The following IL31RA variants were observed in gnomAD, a reference collection of about 807,000 sequenced individuals.
IL31RA encodes interleukin-31 receptor subunit alpha.
IL31RA carries 66 observed loss-of-function variants against 83.7 expected under a neutral mutation model. The observed-to-expected ratio is 0.79, with a 90% CI of 0.65 to 0.97. The LOEUF is 0.97. Among genes scored for constraint, IL31RA ranks in the 50% least tolerant of loss-of-function variants. The pLI is 0.00. For synonymous variants in IL31RA, 325 were observed against 329.0 expected (o/e 0.99, Z 0.13); for missense variants, 798 against 919.4 (o/e 0.87, Z 1.71).
intron 4 of IL31RA, among the ~76,000 whole-genome samples, chr5:55,882,631 G>T (rs1341579480): frequency 6.6e-6 from 1 of 152,204 alleles, no homozygotes; most frequent in Non-Finnish European, 1.5e-5. Context: ...TGTTTGCAGT[G>T]TGCAAGGAAA....
intron 2 of IL31RA, among the ~76,000 whole-genome samples, chr5:55,867,817 T>A (rs1378664295): frequency 6.6e-6 from 1 of 152,120 alleles, no homozygotes; most frequent in Admixed American, 6.5e-5. Context: ...AAACCCCTGA[T>A]AAACCCGTCA....
chr5:55,914,338 A>G (rs924668404), intron 13 of IL31RA, among the ~76,000 whole-genome samples: 2 of 152,214 alleles, frequency 1.3e-5, no homozygotes, highest in African/African-American at 4.8e-5. Flanking sequence ...CTTAGCATGC[A>G]TCAGAATCAG....
intron 1 of IL31RA, among the ~76,000 whole-genome samples, chr5:55,856,955 T>C (rs540119552): frequency 6.6e-6 from 1 of 152,306 alleles, no homozygotes; most frequent in East Asian, 1.9e-4. Context: ...TCTTTGAGAT[T>C]ATACACAGGT....
Position 55,906,287 on chromosome 5 carries a change from A to G in IL31RA, c.1251A>G (p.Gln417=). 1 of 1,613,900 alleles carries G rather than the reference A, an allele frequency of 6.2e-7. No homozygotes were observed. Among genetic ancestry groups the G allele is most frequent in the African/African-American group, 1.3e-5 (1 of 75,042 alleles). ...VSQATNWTIQ[Q]DKLKPFWCYN... ...AGGCCACGAACTGGACGATCCAGCA[A>G]GGTAGCCAGGGCGGAACTCACAGGT... The change falls in exon 9 of 15, where the codon CAA becomes CAG. Residue 417 remains glutamine, a splice_region_variant and synonymous_variant. Transcript: ENST00000652347.
At chr5:55,884,979 A>G (rs927000921) in intron 5 of IL31RA, among the ~76,000 whole-genome samples, 1 of 152,242 alleles carries the variant, frequency 6.6e-6, no homozygotes, top group African/African-American at 2.4e-5. Context: ...CCCAGATTTG[A>G]TAACACTTCC....
intron 12 of IL31RA, among the ~76,000 whole-genome samples, chr5:55,911,095 A>G (rs1749476924): frequency 6.6e-6 from 1 of 152,164 alleles, no homozygotes; most frequent in Non-Finnish European, 1.5e-5. Context: ...GGACTGGGTA[A>G]TTTATAAAGA....
intron 8 of IL31RA, among the ~76,000 whole-genome samples, chr5:55,904,785 A>G (rs920868530): frequency 2.6e-5 from 4 of 151,326 alleles, no homozygotes; most frequent in African/African-American, 9.7e-5. Context: ...TCCCCACCCC[A>G]GATTCCTACA....
At chr5:55,840,326 G>A in the IL31RA span, among the ~76,000 whole-genome samples, 1 of 152,162 alleles carries the variant, frequency 6.6e-6, no homozygotes, top group African/African-American at 2.4e-5. Context: ...AGAACCTGTT[G>A]TTAAACATTT....
At chr5:55,879,583 C>T (rs1747077813) in intron 4 of IL31RA, among the ~76,000 whole-genome samples, 1 of 151,692 alleles carries the variant, frequency 6.6e-6, no homozygotes, top group African/African-American at 2.4e-5. Context: ...CAGGCACGCA[C>T]CACCATACCC....
intron 14 of IL31RA, among the ~76,000 whole-genome samples, chr5:55,916,283 G>C (rs62361955): frequency 0.035 from 5,335 of 152,148 alleles, 138 homozygotes; most frequent in Non-Finnish European, 0.049. Context: ...AGGAAGCTGA[G>C]GGGGAAGAAT....
intron 7 of IL31RA, among the ~76,000 whole-genome samples, chr5:55,899,420 G>A (rs1055534430): frequency 1.3e-5 from 2 of 152,208 alleles, no homozygotes; most frequent in Admixed American, 6.5e-5. Flanking sequence ...TAGCTAGGAC[G>A]CCTGGCTGGG....
chr5:55,868,814 A>AT lies in IL31RA; in HGVS notation c.181dup (p.Ser61PhefsTer7), dbSNP rs752187697. 6.2e-7 allele frequency: 1 copy of AT among 1,607,610 alleles called. No individual in the cohort carries two copies. The highest frequency in any genetic ancestry group is 1.7e-5 in the Admixed American group (1 of 60,020). On this transcript the variant is annotated frameshift_variant, in exon 3 of 15. Coordinates refer to ENST00000652347, the MANE Select transcript of IL31RA (RefSeq NM_139017.7). LOFTEE classifies it high-confidence loss of function. ...AGCTCTGCCAGCTAAGCCTGAGAAC[A>AT]TTTCCTGTGTCTACTACTATAGGAA...
At position 55,922,054 on chromosome 5, in the gene IL31RA, CGGG is replaced by C. The variant is rs56052025; in HGVS notation, c.*4944_*4946del. Reference sequence around the variant, plus strand: ...AGTGTCTTGCACTCTTATGTTGTGGCGGGGGGGGGGGGCGGTTCCTGAAGAGTG... The same window carrying C: ...AGTGTCTTGCACTCTTATGTTGTGGCGGGGGGGGGCGGTTCCTGAAGAGTG... On this transcript the variant is annotated 3_prime_UTR_variant, in exon 15 of 15. Coordinates refer to ENST00000652347, the MANE Select transcript of IL31RA (RefSeq NM_139017.7). Among the ~76,000 whole-genome samples, 191 of 70,418 alleles carry C rather than the reference CGGG, an allele frequency of 2.7e-3. 7 individuals are homozygous for C. Among genetic ancestry groups the C allele is most frequent in the African/African-American group, 4.4e-3 (81 of 18,470 alleles). The allele number at this position is 70,418 out of a possible 152,430, so 46.2% of individuals were successfully genotyped here. A position where few individuals can be genotyped will look rare whatever the true frequency, so the allele number is the denominator to read the frequency against.
intron 4 of IL31RA, among the ~76,000 whole-genome samples, chr5:55,874,095 T>C (rs1746691673): frequency 1.3e-5 from 2 of 152,078 alleles, no homozygotes; most frequent in South Asian, 4.1e-4. Context: ...AACTTTATTC[T>C]TTTGCATGTG....
chr5:55,890,095 T>C lies in IL31RA; in HGVS notation c.732T>C (p.Ser244=), dbSNP rs147946984. 6.2e-7 allele frequency: 1 copy of C among 1,613,700 alleles called. No homozygotes were observed. Among genetic ancestry groups the C allele is most frequent in the South Asian group, 1.1e-5 (1 of 91,042 alleles). Residue 244 remains serine (S), a synonymous_variant, in exon 6 of 15, where the codon AGT becomes AGC. Transcript: ENST00000652347. ...CGGTCAAGGAGTCAAAGTTCTGGAG[T>C]GACTGGAGCCAAGAAAAAATGGGAA... ...RCAVKESKFW[S]DWSQEKMGMT... is the part of the protein sequence containing the mutation.
intron 5 of IL31RA, among the ~76,000 whole-genome samples, chr5:55,885,093 G>A (rs1481592079): frequency 1.3e-5 from 2 of 152,060 alleles, no homozygotes; most frequent in Non-Finnish European, 2.9e-5. Context: ...TTTGGATATG[G>A]TCATTTATTC....
chr5:55,882,873 G>C (rs1481490182), intron 4 of IL31RA, among the ~76,000 whole-genome samples, 171 bp from the exon 5 acceptor site: 1 of 152,108 alleles, frequency 6.6e-6, no homozygotes. Context: ...CTTTTTCAGA[G>C]GTGTTGGGGT....
chr5:55,896,497 C>T (rs1748349891), intron 7 of IL31RA, 68 bp downstream of exon 7: 2 of 975,610 alleles, frequency 2.0e-6, no homozygotes, highest in Non-Finnish European at 3.3e-6. Context: ...CCTTCCCTCC[C>T]TTCCCTCCCT....
intron 2 of IL31RA, among the ~76,000 whole-genome samples, chr5:55,867,268 C>CGTGTGTGTGTGCAT (rs56374716): frequency 1.6e-5 from 2 of 127,940 alleles, no homozygotes; most frequent in Non-Finnish European, 1.6e-5. Context: ...TGTTTGTGTG[C>CGTGTGTGTGTGCAT]GTGTGTGTGC....
Sources: gnomAD v4.1 joint callset for allele counts (sites outside exome capture counted in the v4.1 genomes callset) on GRCh38, gnomAD v4.1.1 for gene constraint, MANE v1.5 for transcripts, NCBI Gene and HGNC (gene_info 2026-07-23, HGNC 2026-07-21) for gene names.